The following OR6N1 variants were observed in gnomAD, a reference collection of about 807,000 sequenced individuals.
The protein encoded by OR6N1 is olfactory receptor 6N1.
For synonymous variants in OR6N1, 170 were observed against 150.7 expected, an observed-to-expected ratio of 1.13 and a Z score of -0.94; for missense variants, 394 against 371.7, an observed-to-expected ratio of 1.06 and a Z score of -0.49.
upstream of OR6N1, chr1:158,775,597 ATATAT>A (rs1417396573): frequency 3.3e-5 from 5 of 152,326 alleles, no homozygotes; most frequent in Non-Finnish European, 4.4e-5. Context: ...TATGTGGAAA[ATATAT>A]TAGAATAGAA....
Position 158,765,835 on chromosome 1 carries a change from G to T in OR6N1, c.848C>A (p.Pro283His), listed in dbSNP as rs1301292049. The T allele has an allele frequency of 2.5e-6, 4 of 1,614,108 alleles. No homozygotes were observed. Among genetic ancestry groups the T allele is most frequent in the Non-Finnish European group, 3.4e-6 (4 of 1,179,990 alleles). Residue 283 changes from proline (P) to histidine (H), a missense_variant, in exon 2 of 2, where the codon CCC becomes CAC. Transcript: ENST00000641846. ...GCTGTAGATGAAGGGGTTGAGGAAG[G>T]GTGTGAGCACTGAGTAGACCACTGC... ...ALAVVYSVLT[P>H]FLNPFIYSLR...
At chr1:158,836,774 T>C in the OR6N1 span, among the ~76,000 whole-genome samples, 2 of 151,832 alleles carry the variant, frequency 1.3e-5, no homozygotes, top group African/African-American at 4.8e-5. Context: ...TAGTTTGTTC[T>C]ACTTTTTTAA....
At chr1:158,837,322 A>G in the OR6N1 span, among the ~76,000 whole-genome samples, 1 of 151,804 alleles carries the variant, frequency 6.6e-6, no homozygotes. Flanking sequence ...GTCTCTTACT[A>G]TTACCTTAGA....
chr1:158,819,275 G>A, the OR6N1 span, among the ~76,000 whole-genome samples: 9 of 152,216 alleles, frequency 5.9e-5, no homozygotes, highest in South Asian at 1.9e-3. Flanking sequence ...GTCCAGCTAG[G>A]AGTCCCTTCC....
the OR6N1 span, among the ~76,000 whole-genome samples, chr1:158,810,299 T>TC: frequency 6.6e-6 from 1 of 152,120 alleles, no homozygotes; most frequent in South Asian, 2.1e-4. Context: ...TCGGCCCCAC[T>TC]CCTGCCCATT....
At chr1:158,789,120 C>T in the OR6N1 span, among the ~76,000 whole-genome samples, 1 of 152,130 alleles carries the variant, frequency 6.6e-6, no homozygotes, top group Non-Finnish European at 1.5e-5. Flanking sequence ...TGCTAGGCTT[C>T]TTTCACTTAA....
At chr1:158,782,535 T>C in the OR6N1 span, among the ~76,000 whole-genome samples, 4 of 152,190 alleles carry the variant, frequency 2.6e-5, no homozygotes, top group Non-Finnish European at 4.4e-5. Context: ...GACATTTCTG[T>C]AAGAGAGTGT....
chr1:158,810,552 TC>T, the OR6N1 span, among the ~76,000 whole-genome samples: 1 of 152,158 alleles, frequency 6.6e-6, no homozygotes, highest in Admixed American at 6.5e-5. Context: ...TTTTCTCAAG[TC>T]TGCAACCCTC....
At chr1:158,810,881 G>A in the OR6N1 span, among the ~76,000 whole-genome samples, 1 of 150,592 alleles carries the variant, frequency 6.6e-6, no homozygotes, top group African/African-American at 2.5e-5. Context: ...TACATGTGAG[G>A]TACATGTGCA....
chr1:158,812,316 A>G, the OR6N1 span, among the ~76,000 whole-genome samples: 3 of 152,268 alleles, frequency 2.0e-5, no homozygotes, highest in African/African-American at 7.2e-5. Flanking sequence ...AACATTGTAT[A>G]TAATGAGGAA....
At chr1:158,827,969 G>T in the OR6N1 span, among the ~76,000 whole-genome samples, 1 of 152,174 alleles carries the variant, frequency 6.6e-6, no homozygotes, top group Admixed American at 6.5e-5. Flanking sequence ...ATGGCAGCAG[G>T]CAAAGAGAGA....
the OR6N1 span, among the ~76,000 whole-genome samples, chr1:158,795,398 G>C: frequency 6.6e-6 from 1 of 152,136 alleles, no homozygotes; most frequent in African/African-American, 2.4e-5. Context: ...TCCAGCTTCT[G>C]TGCCCATGTC....
At chr1:158,817,761 C>T in the OR6N1 span, among the ~76,000 whole-genome samples, 5 of 152,172 alleles carry the variant, frequency 3.3e-5, no homozygotes, top group African/African-American at 1.2e-4. Context: ...GAGGCAGCAA[C>T]ACTAGGACCT....
chr1:158,797,872 A>G, the OR6N1 span, among the ~76,000 whole-genome samples: 1 of 152,154 alleles, frequency 6.6e-6, no homozygotes, highest in African/African-American at 2.4e-5. Flanking sequence ...TTTTTCGTCA[A>G]TATTAGATAG....
chr1:158,775,865 GTTAGAAA>G (rs1657579605), upstream of OR6N1: 1 of 152,102 alleles, frequency 6.6e-6, no homozygotes, highest in South Asian at 2.1e-4. Context: ...AGCTTTCATG[GTTAGAAA>G]TTTTAAGAAA....
chr1:158,797,081 G>A, the OR6N1 span, among the ~76,000 whole-genome samples: 3 of 152,130 alleles, frequency 2.0e-5, no homozygotes, highest in Non-Finnish European at 4.4e-5. Context: ...CTACAGTGAG[G>A]TTCTACTGAA....
chr1:158,795,280 A>G, the OR6N1 span, among the ~76,000 whole-genome samples: 1 of 152,180 alleles, frequency 6.6e-6, no homozygotes, highest in Admixed American at 6.5e-5. Context: ...AGTTCCAGGC[A>G]GCCTTCACTC....
chr1:158,787,516 C>T, the OR6N1 span, among the ~76,000 whole-genome samples: 1 of 151,964 alleles, frequency 6.6e-6, no homozygotes, highest in African/African-American at 2.4e-5. Flanking sequence ...CAAAAACGAA[C>T]TATCTTGTTT....
At chr1:158,810,719 G>A in the OR6N1 span, among the ~76,000 whole-genome samples, 1 of 152,116 alleles carries the variant, frequency 6.6e-6, no homozygotes, top group African/African-American at 2.4e-5. Context: ...CTCCAAAAAC[G>A]AGTTGAATGT....
Sources: allele counts gnomAD v4.1 joint callset (sites outside exome capture counted in the v4.1 genomes callset), GRCh38; gene constraint gnomAD v4.1.1; transcripts MANE v1.5; gene names NCBI Gene and HGNC (gene_info 2026-07-23, HGNC 2026-07-21).